DENND1A: variants seen among roughly 807,000 people sequenced by gnomAD.
DENND1A encodes the protein DENN domain-containing protein 1A.
In DENND1A, 51 loss-of-function variants were observed where a neutral mutation model predicts 113.7. That is an observed-to-expected ratio of 0.45 (90% CI 0.36 to 0.57). The LOEUF (loss-of-function observed/expected upper bound fraction) is 0.57, where lower values mean the gene tolerates loss of function less well. DENND1A is among the 20% of genes least tolerant of loss of function. The pLI is 0.00. For synonymous variants in DENND1A, 565 were observed against 570.8 expected, an observed-to-expected ratio of 0.99 and a Z score of 0.14; for missense variants, 1,258 against 1,395.9, an observed-to-expected ratio of 0.90 and a Z score of 1.57.
intron 2 of DENND1A, among the ~76,000 whole-genome samples, chr9:123,854,298 T>G (rs1267240366): frequency 6.6e-6 from 1 of 152,234 alleles, no homozygotes; most frequent in East Asian, 1.9e-4. Flanking sequence ...AATCACAACA[T>G]TTGTAAAGAA....
At chr9:123,506,232 A>G (rs1032924508) in intron 13 of DENND1A, among the ~76,000 whole-genome samples, 4 of 152,190 alleles carry the variant, frequency 2.6e-5, no homozygotes, top group Admixed American at 1.3e-4. Context: ...GGTTGTGAGG[A>G]TTAAATGAGT....
At chr9:123,433,471 C>T (rs1323786995) in intron 19 of DENND1A, among the ~76,000 whole-genome samples, 1 of 152,044 alleles carries the variant, frequency 6.6e-6, no homozygotes, top group African/African-American at 2.4e-5. Flanking sequence ...TTTTCAAATA[C>T]CATTTGAAAG....
intron 13 of DENND1A, among the ~76,000 whole-genome samples, chr9:123,539,878 G>A (rs1423721766): frequency 5.6e-5 from 7 of 123,966 alleles, no homozygotes; most frequent in East Asian, 2.2e-4. Flanking sequence ...GTGAGACTCC[G>A]TCTCAAAAAA....
intron 19 of DENND1A, among the ~76,000 whole-genome samples, chr9:123,436,142 G>T (rs956812588): frequency 2.0e-5 from 3 of 152,190 alleles, no homozygotes; most frequent in African/African-American, 7.2e-5. Context: ...AGAAAACCAG[G>T]GGGGAATCCT....
intron 21 of DENND1A, chr9:123,400,915 T>C (rs1421292773): frequency 6.6e-6 from 1 of 152,144 alleles, no homozygotes; most frequent in African/African-American, 2.4e-5. Flanking sequence ...GAATCTCTCC[T>C]CTCCACTTCA....
At chr9:123,483,049 A>T (rs1322464722) in intron 13 of DENND1A, among the ~76,000 whole-genome samples, 1 of 152,212 alleles carries the variant, frequency 6.6e-6, no homozygotes, top group African/African-American at 2.4e-5. Context: ...TCTGCCAAGG[A>T]AGCACTGTGT....
chr9:123,663,206 C>T (rs2063331040), intron 8 of DENND1A, among the ~76,000 whole-genome samples: 1 of 152,064 alleles, frequency 6.6e-6, no homozygotes, highest in Admixed American at 6.6e-5. Flanking sequence ...ATACATTAAA[C>T]TAAAAAATGA....
chr9:123,532,256 G>A (rs1329398154), intron 13 of DENND1A, among the ~76,000 whole-genome samples: 4 of 152,174 alleles, frequency 2.6e-5, no homozygotes, highest in Non-Finnish European at 5.9e-5. Context: ...CATAACCATA[G>A]TGCGATGATC....
intron 18 of DENND1A, among the ~76,000 whole-genome samples, chr9:123,449,112 C>G (rs1002135454): frequency 6.6e-6 from 1 of 152,172 alleles, no homozygotes; most frequent in Non-Finnish European, 1.5e-5. Context: ...CAAGGTGGCC[C>G]TGGGCAAATG....
intron 9 of DENND1A, among the ~76,000 whole-genome samples, chr9:123,650,722 C>A (rs1161124905): frequency 6.6e-6 from 1 of 151,960 alleles, no homozygotes; most frequent in Non-Finnish European, 1.5e-5. Context: ...GCCTGGTCAA[C>A]ATGGCAAAAC....
rs924040428 is a variant in DENND1A, at chr9:123,380,825, G to GAATC, written c.*603_*606dup. ...CTGGTCCCCAGATCCTCCCAGGTCA[G>GAATC]AATCAACTGAAGTTTTGGGGTGAAG... On this transcript the variant is annotated 3_prime_UTR_variant, in exon 24 of 24. Coordinates refer to ENST00000394215, the MANE Select transcript of DENND1A (RefSeq NM_001352964.2). 3 of 153,202 alleles carry GAATC rather than the reference G, an allele frequency of 2.0e-5. No individual in the cohort carries two copies. The highest frequency in any genetic ancestry group is 7.2e-5 in the African/African-American group (3 of 41,476). 9.5% of individuals were successfully genotyped at this position (153,202 alleles called of 1,614,324 possible).
chr9:123,769,464 C>G (rs1188500501), intron 4 of DENND1A, 50 bp downstream of exon 4: 1 of 1,456,362 alleles, frequency 6.9e-7, no homozygotes, highest in African/African-American at 1.4e-5. Flanking sequence ...TTTTCTATAG[C>G]AGGTTTATTG....
intron 1 of DENND1A, among the ~76,000 whole-genome samples, chr9:123,918,510 A>G (rs931110172): frequency 2.0e-5 from 3 of 151,998 alleles, no homozygotes; most frequent in Non-Finnish European, 4.4e-5. Context: ...AAAAAGAAGA[A>G]ATTCCCACTG....
intron 13 of DENND1A, among the ~76,000 whole-genome samples, chr9:123,529,439 A>T (rs544425754): frequency 6.6e-6 from 1 of 152,272 alleles, no homozygotes; most frequent in South Asian, 2.1e-4. Flanking sequence ...ACATTTCATC[A>T]CTTCCCTGTT....
rs1285963938 is a variant in DENND1A at position 123,381,494 on chromosome 9, C to T, written c.3151G>A (p.Ala1051Thr). Residue 1051 changes from alanine to threonine, a missense_variant, in exon 24 of 24, where the codon GCC becomes ACC. Ala to Thr is a moderately conservative substitution (Grantham distance 58, BLOSUM62 0). This residue lies in a region of DENND1A where 1,159 missense variants were observed against 1,231.7 expected (regional missense o/e 0.94). Coordinates refer to ENST00000394215, the MANE Select transcript of DENND1A (RefSeq NM_001352964.2). This position sits in a 1 kb window ranked among gnomAD's most constrained non-coding sequence, Gnocchi z 4.7. ...KTKQDVSPSP[A>T]LAPAPDSVEQ... The stretch of plus-strand genomic sequence containing the variant: ...ACCGAGTCTGGGGCCGGGGCCAGGG[C>T]CGGACTCGGGCTCACGTCTTGCTTG... The T allele has an allele frequency of 6.2e-7, 1 of 1,613,444 alleles. No individual in the cohort carries two copies. The highest frequency in any genetic ancestry group is 1.3e-5 in the African/African-American group (1 of 74,884).
intron 1 of DENND1A, among the ~76,000 whole-genome samples, chr9:123,898,920 A>C (rs1564467272): frequency 6.6e-6 from 1 of 152,222 alleles, no homozygotes; most frequent in Non-Finnish European, 1.5e-5. Flanking sequence ...CACATTACTG[A>C]GACTATATCT....
chr9:123,882,149 C>G (rs943433755), intron 1 of DENND1A, among the ~76,000 whole-genome samples: 1 of 152,010 alleles, frequency 6.6e-6, no homozygotes, highest in African/African-American at 2.4e-5. Flanking sequence ...GTCACATCTC[C>G]AACCTGACTA....
At chr9:123,670,998 G>A (rs561224464) in intron 7 of DENND1A, among the ~76,000 whole-genome samples, 93 of 152,270 alleles carry the variant, frequency 6.1e-4, no homozygotes, top group African/African-American at 1.7e-3. Flanking sequence ...AGAAGCAGGC[G>A]GAGCCAGCTG....
In DENND1A at chr9:123,390,788, C is replaced by T. The variant is rs1482333105; in HGVS notation, c.1632-2930G>A. The stretch of plus-strand genomic sequence containing the variant: ...GAGCGGGGCTCGGAGTAGATGCACA[C>T]GAGGGGACACCAGCCCCGGCTCGGG... On this transcript the variant is annotated intron_variant, in intron 21 of 23. Transcript: ENST00000394215. Among the ~76,000 whole-genome samples the T allele has an allele frequency of 1.2e-4, 18 of 152,340 alleles. No individual in the cohort carries two copies. The East Asian group carries it at 2.3e-3, about 20-fold the overall frequency.
Sources: gnomAD v4.1 joint callset for allele counts (sites outside exome capture counted in the v4.1 genomes callset) on GRCh38, gnomAD v4.1.1 for gene constraint, gnomAD v4.1.1 regional missense constraint, Gnocchi (gnomAD v3.1) non-coding constraint, MANE v1.5 for transcripts, NCBI Gene and HGNC (gene_info 2026-07-23, HGNC 2026-07-21) for gene names.